TTN: variants seen among roughly 807,000 people sequenced by gnomAD.
The protein encoded by TTN is titin, also known as connectin.
TTN carries 1,525 observed loss-of-function variants against 3,223.0 expected under a neutral mutation model. The observed-to-expected ratio is 0.47, with a 90% CI of 0.45 to 0.49. The LOEUF (loss-of-function observed/expected upper bound fraction) is 0.49. Among genes scored for constraint, TTN ranks in the 20% least tolerant of loss-of-function variants. TTN has a pLI of 0.00. For missense variants in TTN, 40,786 were observed against 43,424.0 expected (o/e 0.94, Z 5.40); for synonymous variants, 14,094 against 15,161.0 (o/e 0.93, Z 5.17).
At chr2:178,615,588 A>C in intron 258 of TTN, 53 bp downstream of exon 258, 1 of 1,610,528 alleles carries the variant, frequency 6.2e-7, no homozygotes, top group Non-Finnish European at 8.5e-7. Flanking sequence ...TCTAGGTCTA[A>C]AAGCAAAAAC....
Position 178,571,542 on chromosome 2 carries a change from C to T in TTN, c.74590G>A (p.Ala24864Thr), listed in dbSNP as rs1216441388. The T allele has an allele frequency of 6.2e-7, 1 of 1,613,248 alleles. No individual in the cohort carries two copies. The highest frequency in any genetic ancestry group is 8.5e-7 in the Non-Finnish European group (1 of 1,179,578). ...CTGCAAGCCTTTATTGTTGTCCTTG[C>T]AACTGTAGCTGATACAATTTGCCAG... ...TTWQIVSATV[A>T]RTTIKACRLK... Residue 24864 changes from alanine (A) to threonine (T), a missense_variant, in exon 326 of 363, where the codon GCA becomes ACA. Coordinates refer to ENST00000589042, the MANE Select transcript of TTN (RefSeq NM_001267550.2).
At position 178,619,686 on chromosome 2, in the gene TTN, C is replaced by T. The variant is rs772760901; in HGVS notation, c.46631G>A (p.Arg15544His). The change falls in exon 250 of 363, where the codon CGT becomes CAT. Residue 15544 changes from arginine to histidine, a missense_variant. Transcript: ENST00000589042. Reference protein sequence around the residue: ...HRLQICDIKPRDQGEYRFIAK... With the variant: ...HRLQICDIKPHDQGEYRFIAK... The stretch of plus-strand genomic sequence containing the variant: ...AATAAATCTGTATTCACCCTGGTCA[C>T]GGGGCTTAATATCACAAATCTGTAG... 5.0e-6 allele frequency: 8 copies of T among 1,612,234 alleles called. No homozygotes were observed. The East Asian group carries it at 6.7e-5, about 14-fold the overall frequency.
At position 178,696,025 on chromosome 2, in the gene TTN, C is replaced by T. The variant is rs1341432655; in HGVS notation, c.31047G>A (p.Lys10349=). 6.5e-7 allele frequency: 1 copy of T among 1,550,364 alleles called. No individual in the cohort carries two copies. Among genetic ancestry groups the T allele is most frequent in the Non-Finnish European group, 8.7e-7 (1 of 1,146,358 alleles). ...CGTGAACTTCTTTTTTAGCTTCTAC[C>T]TTAATCTCTTCATAGTCTTCATCTG... ...EEPDEDYEEI[K]VEAKKEVHEE... Residue 10349 remains lysine (K), a synonymous_variant, in exon 114 of 363, where the codon AAG becomes AAA. Transcript: ENST00000589042.
rs546032769 is a variant in TTN at position 178,574,957 on chromosome 2, A to G, written c.71175T>C (p.Asp23725=). ...VGDVITIQVH[D]IPGPPTGPIK... ...TTGGTCCAGTAGGTGGCCCTGGGAT[A>G]TCATGGACTTGAATGGTGATGACAT... The change falls in exon 326 of 363, where the codon GAT becomes GAC. Residue 23725 remains aspartate, a synonymous_variant. Coordinates refer to ENST00000589042, the MANE Select transcript of TTN (RefSeq NM_001267550.2). 1 of 1,613,142 alleles carries G rather than the reference A, an allele frequency of 6.2e-7. No homozygotes were observed. The highest frequency in any genetic ancestry group is 1.3e-5 in the African/African-American group (1 of 75,012).
In TTN at chr2:178,718,802, G is replaced by C. The variant is rs765991142; in HGVS notation, c.24398C>G (p.Thr8133Arg). 1.2e-5 allele frequency: 20 copies of C among 1,613,776 alleles called. No homozygotes were observed. In the South Asian group the frequency reaches 2.2e-4, roughly 18 times the overall value. Residue 8133 changes from threonine to arginine, a missense_variant, in exon 84 of 363, where the codon ACA (threonine) becomes AGA (arginine). By Grantham distance (71) the Thr-to-Arg change is moderately conservative. Transcript: ENST00000589042. ...CTGCACCTCAAACAACTCCAGTTCT[G>C]TGACAAAATCTTCCAGAGAGATGTT... ...SCNISLEDFV[T>R]ELELFEVQPL...
In TTN at chr2:178,634,217, AAAAAC is replaced by A; in HGVS notation, c.42416-139_42416-135del. 5.4e-6 allele frequency: 8 copies of A among 1,481,804 alleles called. No homozygotes were observed. Among genetic ancestry groups the A allele is most frequent in the Non-Finnish European group, 7.2e-6 (8 of 1,116,646 alleles). The allele number at this position is 1,481,804 out of a possible 1,614,324, so 91.8% of individuals were successfully genotyped here. On this transcript the variant is annotated intron_variant, in intron 230 of 362. Coordinates refer to ENST00000589042, the MANE Select transcript of TTN (RefSeq NM_001267550.2). The surrounding 1 kb of genome is among the most constrained non-coding windows in gnomAD (Gnocchi z 4.6). ...TCATCTTTCCAAATAGAGCTCCACT[AAAAAC>A]AAATTAAGGGGGGTTGTTTTGGTAA...
In TTN at chr2:178,717,813, G is replaced by A. The variant is rs1194532553; in HGVS notation, c.25064-3C>T. 2 of 1,597,414 alleles carry A rather than the reference G, an allele frequency of 1.3e-6. No homozygotes were observed. The highest frequency in any genetic ancestry group is 1.7e-6 in the Non-Finnish European group (2 of 1,171,910). ...AAAGAAAGGTGGAAGTTTGCGCGCT[G>A]TAAAGAAGTTACAGATAATCCTTAT... is the stretch of plus-strand genomic sequence containing the variant. On this transcript the variant is annotated splice_region_variant and splice_polypyrimidine_tract_variant and intron_variant, in intron 86 of 362. Transcript: ENST00000589042.
intron 6 of TTN, among the ~76,000 whole-genome samples, chr2:178,796,645 G>T (rs1405167374): frequency 6.6e-6 from 1 of 152,138 alleles, no homozygotes; most frequent in Non-Finnish European, 1.5e-5. Flanking sequence ...TCCACTAACT[G>T]AAGAAAAGCA....
Position 178,684,348 on chromosome 2 carries a change from C to A in TTN, c.32704G>T (p.Ala10902Ser), listed in dbSNP as rs1553844223. The change falls in exon 132 of 363, where the codon GCG becomes TCG. Residue 10902 changes from alanine to serine, a missense_variant. Ala to Ser is a moderately conservative substitution (Grantham distance 99). Coordinates refer to ENST00000589042, the MANE Select transcript of TTN (RefSeq NM_001267550.2). ...KVLVAVTKKE[A>S]PPKARVPEEP... ...GATGTACCTCTTGCTTTTGGAGGCG[C>A]CTCTTTTTTAGTTACAGCAACAAGA... 6 of 1,613,472 alleles carry A rather than the reference C, an allele frequency of 3.7e-6. No homozygotes were observed. The highest frequency in any genetic ancestry group is 5.1e-6 in the Non-Finnish European group (6 of 1,179,638).
chr2:178,539,320 C>G, intron 352 of TTN, 62 bp downstream of exon 352: 1 of 1,592,550 alleles, frequency 6.3e-7, no homozygotes, highest in Non-Finnish European at 8.6e-7. Flanking sequence ...CAATGACTTT[C>G]ATTTAAAAAC....
At chr2:178,757,351 T>G (rs2087596466) in intron 45 of TTN, among the ~76,000 whole-genome samples, 191 bp downstream of exon 45, 1 of 152,116 alleles carries the variant, frequency 6.6e-6, no homozygotes, top group Non-Finnish European at 1.5e-5. Context: ...AACACATACT[T>G]CAGTGAAATT....
Position 178,617,143 on chromosome 2 carries a change from G to C in TTN, c.47852C>G (p.Pro15951Arg). ...ACCAAATGCATCGTCAGCGGTGAGA[G>C]GACCAAGAATTTCAGATGGATCTGA... The part of the protein sequence containing the change: ...GVSDPSEILG[P>R]LTADDAFVEP... Residue 15951 changes from proline to arginine, a missense_variant, in exon 255 of 363, where the codon CCT (proline) becomes CGT (arginine). Pro to Arg is a moderately radical substitution (Grantham distance 103). Transcript: ENST00000589042. 2 of 1,608,516 alleles carry C rather than the reference G, an allele frequency of 1.2e-6. No homozygotes were observed. The highest frequency in any genetic ancestry group is 8.5e-7 in the Non-Finnish European group (1 of 1,177,282).
Position 178,681,686 on chromosome 2 carries a change from T to G in TTN, c.33147A>C (p.Thr11049=). Residue 11049 remains threonine, a synonymous_variant, in exon 136 of 363, where the codon ACA becomes ACC. Transcript: ENST00000589042. The part of the protein sequence containing the change: ...VKPVPEEPVP[T]KPKAPPAKVL... ...CTTTAGCCGGTGGGGCCTTTGGTTT[T>G]GTGGGAACTGGTTCTTCTGGGACAG... The G allele has an allele frequency of 6.2e-7, 1 of 1,606,014 alleles. No individual in the cohort carries two copies. Among genetic ancestry groups the G allele is most frequent in the South Asian group, 1.1e-5 (1 of 88,680 alleles).
chr2:178,576,334 A>G lies in TTN; in HGVS notation c.69798T>C (p.Tyr23266=). ...SASLAWGKPH[Y]DGGLEITGYV... is the part of the protein sequence containing the mutation. ...AGCCAGTGATTTCAAGTCCACCATC[A>G]TAATGAGGCTTGCCCCATGCCAAAG... Residue 23266 remains tyrosine (Y), a synonymous_variant, in exon 326 of 363, where the codon TAT becomes TAC. Transcript: ENST00000589042. The surrounding 1 kb of genome is among the most constrained non-coding windows in gnomAD (Gnocchi z 4.3). The G allele has an allele frequency of 6.4e-7, 1 of 1,568,268 alleles. No homozygotes were observed. The highest frequency in any genetic ancestry group is 1.2e-5 in the South Asian group (1 of 81,938).
rs772723078 is a variant in TTN, at chr2:178,749,520, A to AG, written c.11311+3603dup. The AG allele has an allele frequency of 3.2e-5, 51 of 1,612,908 alleles. No individual in the cohort carries two copies. Among genetic ancestry groups the AG allele is most frequent in the Non-Finnish European group, 4.0e-5 (47 of 1,179,422 alleles). ...TCTTTTACATTTGTCCAGGGAGTAA[A>AG]GGGACCAGCTGGATAATCATAAAAA... On this transcript the variant is annotated intron_variant, in intron 47 of 362. Transcript: ENST00000589042.
chr2:178,653,202 T>C (rs2063423495), intron 198 of TTN, 36 bp downstream of exon 198: 1 of 1,610,536 alleles, frequency 6.2e-7, no homozygotes, highest in African/African-American at 1.3e-5. Flanking sequence ...TGCAAAAGAA[T>C]TAGATCATCT....
chr2:178,560,045 G>A lies in TTN; in HGVS notation c.86087C>T (p.Thr28696Ile). The A allele has an allele frequency of 6.2e-7, 1 of 1,613,700 alleles. No homozygotes were observed. Among genetic ancestry groups the A allele is most frequent in the Non-Finnish European group, 8.5e-7 (1 of 1,179,798 alleles). ...YTVEYKKSDD[T>I]DWKTSIQSLR... ...GCTCTGAATGGAAGTTTTCCAGTCA[G>A]TGTCATCAGATTTTTTGTATTCTAC... is the stretch of plus-strand genomic sequence containing the variant. The change falls in exon 326 of 363, where the codon ACT (threonine) becomes ATT (isoleucine). Residue 28696 changes from threonine to isoleucine, a missense_variant. Coordinates refer to ENST00000589042, the MANE Select transcript of TTN (RefSeq NM_001267550.2).
Position 178,632,646 on chromosome 2 carries a change from CA to C in TTN, c.43359del (p.Phe14453LeufsTer4). On this transcript the variant is annotated frameshift_variant, in exon 235 of 363. Transcript: ENST00000589042. LOFTEE classifies it high-confidence loss of function. ...TGCTTAGTGCCATCCTTTATAAGCTCAAATCTGTCATCACCTGTGATTTCCT... is the reference window on the plus strand; with the variant it reads ...TGCTTAGTGCCATCCTTTATAAGCTCAATCTGTCATCACCTGTGATTTCCT... ...GTQEITGDDRFELIKDGTKHS... is the reference protein window; with the variant it reads ...GTQEITGDDRXELIKDGTKHS... The C allele has an allele frequency of 6.2e-7, 1 of 1,613,478 alleles. No individual in the cohort carries two copies. The highest frequency in any genetic ancestry group is 8.5e-7 in the Non-Finnish European group (1 of 1,179,584).
chr2:178,768,979 T>A (rs1392551495), intron 37 of TTN, 46 bp from the exon 38 acceptor site: 2 of 1,605,514 alleles, frequency 1.2e-6, no homozygotes, highest in Non-Finnish European at 1.7e-6. Context: ...TTTACGTAAA[T>A]ATGATGTGGG....
Sources: gnomAD v4.1 joint callset for allele counts (sites outside exome capture counted in the v4.1 genomes callset) on GRCh38, gnomAD v4.1.1 for gene constraint, Gnocchi (gnomAD v3.1) non-coding constraint, MANE v1.5 for transcripts, NCBI Gene and HGNC (gene_info 2026-07-23, HGNC 2026-07-21) for gene names.